Variants in LARP1B observed in about 807,000 individuals in gnomAD.
LARP1B encodes the protein La ribonucleoprotein 1B, also known as la-related protein 1B.
A neutral mutation model predicts 114.2 loss-of-function variants in LARP1B; 76 were observed. That is an observed-to-expected ratio of 0.67 (90% CI 0.55 to 0.81). The LOEUF (loss-of-function observed/expected upper bound fraction) is 0.81. LARP1B is among the 30% of genes least tolerant of loss of function. LARP1B has a pLI of 0.00. For synonymous variants in LARP1B, 345 were observed against 348.0 expected (o/e 0.99, Z 0.10); for missense variants, 1,014 against 1,075.8 (o/e 0.94, Z 0.80).
chr4:128,167,049 C>T (rs1741395232), intron 12 of LARP1B, among the ~76,000 whole-genome samples: 1 of 150,474 alleles, frequency 6.6e-6, no homozygotes, highest in African/African-American at 2.4e-5. Flanking sequence ...TATATATACA[C>T]ACACACACAC....
chr4:128,080,275 G>A lies in LARP1B; in HGVS notation c.218-1890G>A, dbSNP rs184293274. The stretch of plus-strand genomic sequence containing the variant: ...TGGGATTACAGGCGTGAGCCACCAC[G>A]CCTGGCAATTTGTCTTTAATTGCTT... On this transcript the variant is annotated intron_variant, in intron 4 of 19. Coordinates refer to ENST00000326639, the MANE Select transcript of LARP1B (RefSeq NM_018078.4). 2.4e-4 allele frequency among the ~76,000 whole-genome samples: 37 copies of A among 152,154 alleles called. No homozygotes were observed. The East Asian group carries it at 3.9e-3, about 16-fold the overall frequency.
At chr4:128,197,646 A>G (rs1754644579) in intron 15 of LARP1B, among the ~76,000 whole-genome samples, 1 of 152,038 alleles carries the variant, frequency 6.6e-6, no homozygotes, top group South Asian at 2.1e-4. Context: ...GTGAGCCGAG[A>G]TGGCGCCACT....
chr4:128,066,915 A>G (rs1763178740), intron 1 of LARP1B, among the ~76,000 whole-genome samples: 1 of 150,346 alleles, frequency 6.7e-6, no homozygotes, highest in African/African-American at 2.5e-5. Flanking sequence ...CTCCTGCCTC[A>G]GTCTCCTGAG....
intron 5 of LARP1B, among the ~76,000 whole-genome samples, chr4:128,088,097 T>G (rs1452167831): frequency 6.6e-6 from 1 of 151,372 alleles, no homozygotes; most frequent in African/African-American, 2.4e-5. Context: ...TAGGCTGAGG[T>G]AAGGAGGATT....
intron 15 of LARP1B, among the ~76,000 whole-genome samples, chr4:128,196,563 A>C (rs991580570): frequency 1.3e-5 from 2 of 151,320 alleles, no homozygotes; most frequent in African/African-American, 4.8e-5. Flanking sequence ...TCCTTCTCAA[A>C]TTCTTTCAAA....
intron 15 of LARP1B, among the ~76,000 whole-genome samples, chr4:128,193,015 G>A (rs1752765297): frequency 6.6e-6 from 1 of 151,902 alleles, no homozygotes; most frequent in Non-Finnish European, 1.5e-5. Context: ...AAAAATTTTT[G>A]TTGCGACAAG....
At chr4:128,154,975 T>C (rs1384737636) in intron 11 of LARP1B, among the ~76,000 whole-genome samples, 1 of 152,066 alleles carries the variant, frequency 6.6e-6, no homozygotes, top group Non-Finnish European at 1.5e-5. Context: ...GGTTTCACTA[T>C]GTTGGCTAGG....
At chr4:128,085,218 A>C (rs546015425) in intron 5 of LARP1B, among the ~76,000 whole-genome samples, 3 of 152,242 alleles carry the variant, frequency 2.0e-5, no homozygotes, top group African/African-American at 7.2e-5. Flanking sequence ...AGACTTTTAA[A>C]AAATTTTTAA....
At chr4:128,134,674 T>C (rs1234657020) in intron 11 of LARP1B, among the ~76,000 whole-genome samples, 1 of 152,106 alleles carries the variant, frequency 6.6e-6, no homozygotes, top group African/African-American at 2.4e-5. Flanking sequence ...TGCAGAAAAA[T>C]ATTTGCAAAT....
intron 12 of LARP1B, among the ~76,000 whole-genome samples, chr4:128,172,937 A>ATGTGTGTG (rs57382183): frequency 0.13 from 17,450 of 136,902 alleles, 1,233 homozygotes; most frequent in African/African-American, 0.18. Context: ...ATCCCATCCA[A>ATGTGTGTG]TGTGTGTGTG....
rs1758732455 is a variant in LARP1B, at chr4:128,210,214, A to T, written c.*161A>T. 1.4e-6 allele frequency: 2 copies of T among 1,430,902 alleles called. No homozygotes were observed. Among genetic ancestry groups the T allele is most frequent in the East Asian group, 5.0e-5 (2 of 40,272 alleles). The allele number at this position is 1,430,902 out of a possible 1,614,324, so 88.6% of individuals were successfully genotyped here. A position where few individuals can be genotyped will look rare whatever the true frequency, so the allele number is the denominator to read the frequency against. On this transcript the variant is annotated 3_prime_UTR_variant, in exon 20 of 20. Coordinates refer to ENST00000326639, the MANE Select transcript of LARP1B (RefSeq NM_018078.4). ...TGATAATAAGAAAGAAGAAAAAGAA[A>T]GAAAAGTGGTAGCATTTTTTCTAAC...
At chr4:128,203,318 T>TCTCCCCCCCTCC (rs1756567743) in intron 17 of LARP1B, among the ~76,000 whole-genome samples, 1 of 146,700 alleles carries the variant, frequency 6.8e-6, no homozygotes, top group African/African-American at 2.5e-5. Flanking sequence ...TGATTCCCTC[T>TCTCCCCCCCTCC]CTCCCTCCCT....
chr4:128,156,667 T>TCTG (rs1424473637), intron 11 of LARP1B, among the ~76,000 whole-genome samples: 1 of 151,752 alleles, frequency 6.6e-6, no homozygotes, highest in Non-Finnish European at 1.5e-5. Context: ...ACCAGGCCAT[T>TCTG]CTGCCGCCCC....
intron 11 of LARP1B, among the ~76,000 whole-genome samples, chr4:128,134,960 G>A (rs142124730): frequency 2.0e-5 from 3 of 152,100 alleles, no homozygotes; most frequent in African/African-American, 7.2e-5. Flanking sequence ...CAAAAAATTA[G>A]GGTTGGTGGT....
chr4:128,125,533 G>A (rs1386779907), intron 11 of LARP1B, among the ~76,000 whole-genome samples: 2 of 152,206 alleles, frequency 1.3e-5, no homozygotes, highest in African/African-American at 4.8e-5. Flanking sequence ...GGATCACGAG[G>A]TCAAGAGATT....
At chr4:128,067,710 C>CTTTT (rs66709998) in intron 1 of LARP1B, among the ~76,000 whole-genome samples, 5 of 145,106 alleles carry the variant, frequency 3.4e-5, no homozygotes, top group African/African-American at 2.5e-5. Context: ...TGGATACCTC[C>CTTTT]TTTTTTTTTT....
intron 11 of LARP1B, among the ~76,000 whole-genome samples, chr4:128,150,575 G>A (rs558376350): frequency 6.6e-6 from 1 of 152,088 alleles, no homozygotes; most frequent in African/African-American, 2.4e-5. Flanking sequence ...TTATAGATGT[G>A]AGCCACTGCA....
chr4:128,111,887 C>T (rs1420867589), intron 9 of LARP1B, among the ~76,000 whole-genome samples: 7 of 150,748 alleles, frequency 4.6e-5, no homozygotes, highest in Non-Finnish European at 1.0e-4. Flanking sequence ...GACGGGGTTT[C>T]ACCAGTTGGC....
intron 12 of LARP1B, among the ~76,000 whole-genome samples, chr4:128,166,338 C>T (rs1341308789): frequency 6.6e-6 from 1 of 151,852 alleles, no homozygotes; most frequent in Admixed American, 6.6e-5. Flanking sequence ...CTCACTTTCT[C>T]CATCTCTATC....
Sources: allele counts gnomAD v4.1 joint callset (sites outside exome capture counted in the v4.1 genomes callset), GRCh38; gene constraint gnomAD v4.1.1; transcripts MANE v1.5; gene names NCBI Gene and HGNC (gene_info 2026-07-23, HGNC 2026-07-21).